KCNH1: variants seen among roughly 807,000 people sequenced by gnomAD.
KCNH1 encodes voltage-gated delayed rectifier potassium channel KCNH1.
A neutral mutation model predicts 69.2 loss-of-function variants in KCNH1; 27 were observed. That is an observed-to-expected ratio of 0.39 (90% CI 0.29 to 0.54). The LOEUF is 0.54. KCNH1 is among the 20% of genes least tolerant of loss of function. The probability of loss-of-function intolerance (pLI) is 0.68; values close to 1 mark genes in which losing one functional copy is unlikely to be tolerated. For missense variants in KCNH1, 798 were observed against 1,261.6 expected (o/e 0.63, Z 5.57); for synonymous variants, 456 against 487.7 (o/e 0.93, Z 0.86).
rs1010908979 is a variant in KCNH1 at position 210,968,638 on chromosome 1, A to C, written c.1033-48569T>G. On this transcript the variant is annotated intron_variant, in intron 6 of 10. Transcript: ENST00000271751. ...GGCCAGTGATGATGAGCATTTTTTCATGTGTTTTTTGGCTGCATAAATGTC... is the reference window on the plus strand; with the variant it reads ...GGCCAGTGATGATGAGCATTTTTTCCTGTGTTTTTTGGCTGCATAAATGTC... Among the ~76,000 whole-genome samples, 6 of 151,622 alleles carry C rather than the reference A, an allele frequency of 4.0e-5. 1 individual carries two copies. Among genetic ancestry groups the C allele is most frequent in the Non-Finnish European group, 4.4e-5 (3 of 67,942 alleles).
intron 10 of KCNH1, among the ~76,000 whole-genome samples, chr1:210,759,770 T>G (rs1194170491): frequency 6.6e-6 from 1 of 152,150 alleles, no homozygotes. Flanking sequence ...AGGATATAAT[T>G]CAGGAAAATT....
chr1:210,795,203 G>C (rs1684284710), intron 9 of KCNH1, among the ~76,000 whole-genome samples: 1 of 152,040 alleles, frequency 6.6e-6, no homozygotes, highest in South Asian at 2.1e-4. Context: ...CAGGCCTCAG[G>C]CTAGAGTGCA....
chr1:210,759,966 G>A (rs540758244), intron 10 of KCNH1, among the ~76,000 whole-genome samples: 7 of 152,268 alleles, frequency 4.6e-5, no homozygotes, highest in African/African-American at 1.2e-4. Context: ...CCTGAGCTCC[G>A]CCTCCTATCA....
At chr1:210,691,703 G>A (rs1293787923) in intron 10 of KCNH1, among the ~76,000 whole-genome samples, 1 of 152,222 alleles carries the variant, frequency 6.6e-6, no homozygotes, top group Non-Finnish European at 1.5e-5. Context: ...AAGGCAAGAG[G>A]CCAAGAAACC....
At chr1:210,872,291 T>C (rs1686270938) in intron 7 of KCNH1, among the ~76,000 whole-genome samples, 1 of 152,064 alleles carries the variant, frequency 6.6e-6, no homozygotes, top group South Asian at 2.1e-4. Context: ...ACACTCTGCA[T>C]ACCATCCCTC....
In KCNH1 at chr1:211,134,025, G is replaced by T; in HGVS notation, c.-80C>A. ...AGGAAACTGGCCTCGGGGCCCGCAC[G>T]CAGTCCCGGCTCGAAGCGCCCCATG... On this transcript the variant is annotated 5_prime_UTR_variant, in exon 1 of 11. Transcript: ENST00000271751. The surrounding 1 kb of genome is among the most constrained non-coding windows in gnomAD (Gnocchi z 5.7). 3 of 1,283,286 alleles carry T rather than the reference G, an allele frequency of 2.3e-6. No individual in the cohort carries two copies. Among genetic ancestry groups the T allele is most frequent in the African/African-American group, 1.5e-5 (1 of 67,404 alleles). 79.5% of individuals were successfully genotyped at this position (1,283,286 alleles called of 1,614,324 possible).
intron 6 of KCNH1, among the ~76,000 whole-genome samples, chr1:210,992,908 C>A (rs1220947772): frequency 6.6e-6 from 1 of 152,198 alleles, no homozygotes; most frequent in Non-Finnish European, 1.5e-5. Context: ...AACCTACACT[C>A]ACCATTTGCA....
At chr1:211,117,017 C>T (rs928611264) in intron 1 of KCNH1, among the ~76,000 whole-genome samples, 2 of 152,176 alleles carry the variant, frequency 1.3e-5, no homozygotes, top group African/African-American at 4.8e-5. Flanking sequence ...ATCAAACCTC[C>T]AAGATTCCAA....
intron 10 of KCNH1, among the ~76,000 whole-genome samples, chr1:210,706,269 G>A (rs753329452): frequency 6.6e-6 from 1 of 152,232 alleles, no homozygotes; most frequent in Non-Finnish European, 1.5e-5. Context: ...TCTTGCAGGG[G>A]TGGACCGTGC....
At chr1:210,733,745 T>C (rs1682801279) in intron 10 of KCNH1, among the ~76,000 whole-genome samples, 2 of 152,016 alleles carry the variant, frequency 1.3e-5, no homozygotes, top group South Asian at 4.2e-4. Flanking sequence ...GGCAGGGCTG[T>C]GAAAAGAGAG....
At chr1:210,900,733 C>T (rs1290258852) in intron 7 of KCNH1, among the ~76,000 whole-genome samples, 2 of 152,112 alleles carry the variant, frequency 1.3e-5, no homozygotes, top group East Asian at 1.9e-4. Flanking sequence ...GCAGAAGAGC[C>T]ACAATAATCT....
intron 10 of KCNH1, among the ~76,000 whole-genome samples, chr1:210,691,154 T>A (rs1348451388): frequency 6.6e-6 from 1 of 152,208 alleles, no homozygotes; most frequent in African/African-American, 2.4e-5. Flanking sequence ...TATTACTCTT[T>A]GTGGGGGCTT....
chr1:210,876,997 T>C (rs1026638336), intron 7 of KCNH1, among the ~76,000 whole-genome samples: 5 of 150,532 alleles, frequency 3.3e-5, no homozygotes, highest in Non-Finnish European at 5.9e-5. Context: ...GCCTCAGAGA[T>C]AACGAGCTCA....
chr1:211,117,222 C>T (rs1691599315), intron 1 of KCNH1, among the ~76,000 whole-genome samples: 1 of 152,184 alleles, frequency 6.6e-6, no homozygotes, highest in Non-Finnish European at 1.5e-5. Flanking sequence ...TCTCAGGTCT[C>T]CTACTCTATG....
intron 10 of KCNH1, among the ~76,000 whole-genome samples, chr1:210,751,797 A>G (rs1308949987): frequency 6.6e-6 from 1 of 152,180 alleles, no homozygotes; most frequent in Non-Finnish European, 1.5e-5. Flanking sequence ...AATGCAAGAA[A>G]TAAAAATATG....
intron 6 of KCNH1, among the ~76,000 whole-genome samples, chr1:210,920,901 C>G (rs984852158): frequency 3.3e-5 from 5 of 152,124 alleles, no homozygotes; most frequent in African/African-American, 1.2e-4. Context: ...CCTGGTCAAG[C>G]CTCTTCCCTT....
At chr1:210,807,744 A>C (rs1279014504) in intron 7 of KCNH1, among the ~76,000 whole-genome samples, 1 of 152,214 alleles carries the variant, frequency 6.6e-6, no homozygotes, top group Non-Finnish European at 1.5e-5. Flanking sequence ...ATGTTTCAAT[A>C]GTTCCTTCCT....
At chr1:211,083,962 T>C (rs1690906967) in intron 4 of KCNH1, among the ~76,000 whole-genome samples, 1 of 152,224 alleles carries the variant, frequency 6.6e-6, no homozygotes, top group South Asian at 2.1e-4. Flanking sequence ...GATAAATTTT[T>C]GTCAATATAA....
At chr1:211,102,897 A>G (rs1691285381) in intron 3 of KCNH1, among the ~76,000 whole-genome samples, 1 of 152,210 alleles carries the variant, frequency 6.6e-6, no homozygotes, top group African/African-American at 2.4e-5. Flanking sequence ...CCTACTTTCC[A>G]TACTTCTAAT....
Sources: allele counts gnomAD v4.1 joint callset (sites outside exome capture counted in the v4.1 genomes callset), GRCh38; gene constraint gnomAD v4.1.1; non-coding constraint Gnocchi (gnomAD v3.1); transcripts MANE v1.5; gene names NCBI Gene and HGNC (gene_info 2026-07-23, HGNC 2026-07-21).